The following DENND3 variants were observed in gnomAD, a reference collection of about 807,000 sequenced individuals.
The protein encoded by DENND3 is DENN domain containing 3, also known as DENN domain-containing protein 3.
Under a neutral mutation model 135.1 loss-of-function variants are expected in DENND3, and 88 were observed. That is an observed-to-expected ratio of 0.65 (90% CI 0.55 to 0.78). The LOEUF is 0.78. DENND3 is among the 30% of genes least tolerant of loss of function. The probability of loss-of-function intolerance (pLI) is 0.00; values close to 1 mark genes in which losing one functional copy is unlikely to be tolerated. For synonymous variants in DENND3, 693 were observed against 712.3 expected (o/e 0.97, Z 0.43); for missense variants, 1,392 against 1,688.4 (o/e 0.82, Z 3.08).
chr8:141,186,260 A>G (rs1018671759), intron 18 of DENND3, among the ~76,000 whole-genome samples: 2 of 152,172 alleles, frequency 1.3e-5, no homozygotes, highest in African/African-American at 4.8e-5. Context: ...CTGGTGGCAC[A>G]GTGGTTACTG....
rs1569556187 is a variant in DENND3 at position 141,168,399 on chromosome 8, CA to C, written c.2150del (p.His717ProfsTer2). The C allele has an allele frequency of 1.2e-6, 2 of 1,613,896 alleles. No individual in the cohort carries two copies. Among genetic ancestry groups the C allele is most frequent in the East Asian group, 4.5e-5 (2 of 44,886 alleles). ...GCACGAGGCCTCGAAGCTGGACGAC[CA>C]CGTGAAGAAGTTCAAGCTGCCCAAG... ...KPHEASKLDD[H>X]VKKFKLPKKH... On this transcript the variant is annotated frameshift_variant, in exon 13 of 23. Coordinates refer to ENST00000519811, the MANE Select transcript of DENND3 (RefSeq NM_001352890.3). LOFTEE classifies it high-confidence loss of function. The surrounding 1 kb of genome is among the most constrained non-coding windows in gnomAD (Gnocchi z 6.2).
At chr8:141,149,802 C>T (rs753669825) in intron 5 of DENND3, among the ~76,000 whole-genome samples, 9 of 152,362 alleles carry the variant, frequency 5.9e-5, no homozygotes, top group Non-Finnish European at 1.3e-4. Context: ...TATAACAAAA[C>T]GATGTTATTC....
rs1452170936 is a variant in DENND3 at position 141,130,998 on chromosome 8, T to A, written c.102+2189T>A. ...CCGCACCTGGCCGCTTTTAAATAAT[T>A]TTTACCTTGACTTTTACAAATCCCC... On this transcript the variant is annotated intron_variant, in intron 1 of 22. Coordinates refer to ENST00000519811, the MANE Select transcript of DENND3 (RefSeq NM_001352890.3). This position sits in a 1 kb window ranked among gnomAD's most constrained non-coding sequence, Gnocchi z 4.2. 6.6e-6 allele frequency among the ~76,000 whole-genome samples: 1 copy of A among 152,122 alleles called. No individual in the cohort carries two copies. The highest frequency in any genetic ancestry group is 1.5e-5 in the Non-Finnish European group (1 of 68,030).
At chr8:141,147,756 C>T (rs1346045596) in intron 5 of DENND3, among the ~76,000 whole-genome samples, 1 of 152,224 alleles carries the variant, frequency 6.6e-6, no homozygotes, top group East Asian at 1.9e-4. Context: ...AGGTAGAGGC[C>T]ACACCCAGCA....
intron 20 of DENND3, 23 bp downstream of exon 20, chr8:141,190,440 G>A: frequency 6.3e-7 from 1 of 1,591,574 alleles, no homozygotes; most frequent in Non-Finnish European, 8.6e-7. Flanking sequence ...CCTGCCATCA[G>A]AGCGGGCACC....
chr8:141,132,828 G>A (rs1816288399), intron 1 of DENND3, among the ~76,000 whole-genome samples: 1 of 152,184 alleles, frequency 6.6e-6, no homozygotes, highest in African/African-American at 2.4e-5. Context: ...AATGACAGGT[G>A]GGGTGTTGAG....
At chr8:141,191,736 C>T (rs1275699462) in intron 20 of DENND3, 2 of 152,662 alleles carry the variant, frequency 1.3e-5, no homozygotes, top group Non-Finnish European at 2.9e-5. Context: ...GTTCCGCTCA[C>T]TTTCAGGGCC....
intron 8 of DENND3, among the ~76,000 whole-genome samples, chr8:141,158,849 G>A (rs765030893): frequency 2.4e-4 from 37 of 152,190 alleles, no homozygotes; most frequent in Non-Finnish European, 3.7e-4. Context: ...GCGTGCTTGG[G>A]TGAGGGAGGC....
At position 141,194,307 on chromosome 8, in the gene DENND3, C is replaced by T. The variant is rs1232129120; in HGVS notation, c.*74C>T. 2.6e-6 allele frequency: 4 copies of T among 1,537,898 alleles called. No individual in the cohort carries two copies. The highest frequency in any genetic ancestry group is 2.6e-6 in the Non-Finnish European group (3 of 1,134,796). ...GCTGCCCCCTAGAGCCTGCCAGGAG[C>T]AGAAGCCTGGAGGGGTGGCAGGGCA... On this transcript the variant is annotated 3_prime_UTR_variant, in exon 23 of 23. Transcript: ENST00000519811.
intron 5 of DENND3, among the ~76,000 whole-genome samples, chr8:141,147,830 G>A (rs1818349132): frequency 6.6e-6 from 1 of 152,222 alleles, no homozygotes; most frequent in Non-Finnish European, 1.5e-5. Flanking sequence ...TGTGTGGTGG[G>A]CGAGCGTGTG....
chr8:141,179,482 C>T (rs373847180), intron 16 of DENND3, among the ~76,000 whole-genome samples: 5 of 152,174 alleles, frequency 3.3e-5, no homozygotes, highest in Non-Finnish European at 5.9e-5. Flanking sequence ...CGCTGGCTCC[C>T]GCTCCCTCGT....
chr8:141,133,165 A>G (rs1816346098), intron 1 of DENND3, among the ~76,000 whole-genome samples: 1 of 152,140 alleles, frequency 6.6e-6, no homozygotes, highest in Non-Finnish European at 1.5e-5. Context: ...CAGGTGGAGC[A>G]GCGAGGGGCT....
In DENND3 at chr8:141,167,373, A is replaced by G. The variant is rs941293162; in HGVS notation, c.1754-631A>G. Among the ~76,000 whole-genome samples the G allele has an allele frequency of 3.3e-5, 5 of 152,134 alleles. No individual in the cohort carries two copies. The highest frequency in any genetic ancestry group is 7.4e-5 in the Non-Finnish European group (5 of 67,996). On this transcript the variant is annotated intron_variant, in intron 12 of 22. Coordinates refer to ENST00000519811, the MANE Select transcript of DENND3 (RefSeq NM_001352890.3). The surrounding 1 kb of genome is among the most constrained non-coding windows in gnomAD (Gnocchi z 4.1). Reference sequence around the variant, plus strand: ...CTCGGAACCTTCCCCTGGAGCCCCCATGACCCTCCTCCTGCTCTCTTGGTC... The same window carrying G: ...CTCGGAACCTTCCCCTGGAGCCCCCGTGACCCTCCTCCTGCTCTCTTGGTC...
chr8:141,194,319 G>T lies in DENND3; in HGVS notation c.*86G>T. The T allele has an allele frequency of 6.7e-7, 1 of 1,490,648 alleles. No individual in the cohort carries two copies. Among genetic ancestry groups the T allele is most frequent in the Non-Finnish European group, 9.1e-7 (1 of 1,099,386 alleles). The allele number at this position is 1,490,648 out of a possible 1,614,324, so 92.3% of individuals were successfully genotyped here. A position where few individuals can be genotyped will look rare whatever the true frequency, so the allele number is the denominator to read the frequency against. On this transcript the variant is annotated 3_prime_UTR_variant, in exon 23 of 23. Transcript: ENST00000519811. ...AGCCTGCCAGGAGCAGAAGCCTGGAGGGGTGGCAGGGCAGAGCAGCCCAGG... is the reference window on the plus strand; with the variant it reads ...AGCCTGCCAGGAGCAGAAGCCTGGATGGGTGGCAGGGCAGAGCAGCCCAGG...
intron 3 of DENND3, among the ~76,000 whole-genome samples, chr8:141,140,808 C>CT (rs1179468725): frequency 1.3e-5 from 2 of 152,244 alleles, no homozygotes; most frequent in Non-Finnish European, 2.9e-5. Flanking sequence ...CCCACACAGG[C>CT]TGAGGCCTCT....
intron 1 of DENND3, among the ~76,000 whole-genome samples, chr8:141,131,386 G>A (rs143461772): frequency 0.018 from 2,684 of 152,258 alleles, 36 homozygotes; most frequent in Non-Finnish European, 0.028. Flanking sequence ...TAATTCTTGC[G>A]TGTGAAGCTC....
intron 5 of DENND3, among the ~76,000 whole-genome samples, chr8:141,145,837 A>ATT (rs1818029013): frequency 3.5e-5 from 1 of 28,884 alleles, no homozygotes; most frequent in African/African-American, 4.0e-4. Context: ...ATATATATAT[A>ATT]TATATATATA....
rs1039541425 is a variant in DENND3, at chr8:141,182,504, G to C, written c.2944+1650G>C. 4.1e-6 allele frequency: 4 copies of C among 985,214 alleles called. No homozygotes were observed. Among genetic ancestry groups the C allele is most frequent in the Non-Finnish European group, 4.8e-6 (4 of 829,866 alleles). 61.0% of individuals were successfully genotyped at this position (985,214 alleles called of 1,614,324 possible). ...GAATACATGGTATTTTTAGGTCCCGGTTGGTTTCCCTGAAATGAAACTCAC... is the reference window on the plus strand; with the variant it reads ...GAATACATGGTATTTTTAGGTCCCGCTTGGTTTCCCTGAAATGAAACTCAC... On this transcript the variant is annotated intron_variant, in intron 17 of 22. Coordinates refer to ENST00000519811, the MANE Select transcript of DENND3 (RefSeq NM_001352890.3). The surrounding 1 kb of genome is among the most constrained non-coding windows in gnomAD (Gnocchi z 5.9).
Position 141,175,396 on chromosome 8 carries a change from C to T in DENND3, c.2472C>T (p.Arg824=), listed in dbSNP as rs374475863. Residue 824 remains arginine (R), a synonymous_variant, in exon 14 of 23, where the codon CGC becomes CGT. Coordinates refer to ENST00000519811, the MANE Select transcript of DENND3 (RefSeq NM_001352890.3). This position sits in a 1 kb window ranked among gnomAD's most constrained non-coding sequence, Gnocchi z 5.4. ...GVGKIAMTQK[R]LFLLTEGRPG... ...GCAAGATCGCCATGACCCAGAAGCG[C>T]CTGTTCCTCCTAACCGAAGGAAGGC... is the stretch of plus-strand genomic sequence containing the variant. The T allele has an allele frequency of 2.2e-5, 36 of 1,614,050 alleles. No homozygotes were observed. In the African/African-American group the frequency reaches 3.6e-4, roughly 16 times the overall value.
Sources: gnomAD v4.1 joint callset for allele counts (sites outside exome capture counted in the v4.1 genomes callset) on GRCh38, gnomAD v4.1.1 for gene constraint, Gnocchi (gnomAD v3.1) non-coding constraint, MANE v1.5 for transcripts, NCBI Gene and HGNC (gene_info 2026-07-23, HGNC 2026-07-21) for gene names.